Variants in NRG1 observed in about 807,000 individuals in gnomAD.
NRG1 encodes pro-neuregulin-1, membrane-bound isoform.
Under a neutral mutation model 63.8 loss-of-function variants are expected in NRG1, and 18 were observed. The observed-to-expected ratio is 0.28, with a 90% confidence interval of 0.19 to 0.42. NRG1 has a LOEUF of 0.42. NRG1 is among the 10% of genes least tolerant of loss of function. The pLI, the probability that NRG1 is intolerant of heterozygous loss-of-function variation, is 1.00. For synonymous variants in NRG1, 302 were observed against 301.3 expected (o/e 1.00, Z -0.02); for missense variants, 762 against 814.7 (o/e 0.94, Z 0.79).
intron 1 of NRG1, among the ~76,000 whole-genome samples, chr8:32,490,184 A>T (rs1185557937): frequency 6.6e-6 from 1 of 152,110 alleles, no homozygotes; most frequent in Non-Finnish European, 1.5e-5. Flanking sequence ...GTATGCCTGT[A>T]GTTCTAGCTA....
At chr8:31,807,252 C>G (rs1822376748) in intron 1 of NRG1, among the ~76,000 whole-genome samples, 1 of 152,188 alleles carries the variant, frequency 6.6e-6, no homozygotes, top group Admixed American at 6.5e-5. Flanking sequence ...TGATACACTA[C>G]TTGAGCATGT....
intron 5 of NRG1, chr8:32,721,997 G>A (rs1161103234): frequency 1.3e-6 from 2 of 1,547,446 alleles, no homozygotes; most frequent in Non-Finnish European, 1.7e-6. Flanking sequence ...CAAAGAGCAG[G>A]AAAGTATGCA....
chr8:31,666,589 A>C (rs190010792), intron 1 of NRG1, among the ~76,000 whole-genome samples: 1 of 152,352 alleles, frequency 6.6e-6, no homozygotes, highest in East Asian at 1.9e-4. Flanking sequence ...AGGTGTTTTC[A>C]TTCAATTACT....
chr8:32,764,986 C>T (rs1033039353), exon 12 of NRG1: 4 of 151,380 alleles, frequency 2.6e-5, no homozygotes, highest in Non-Finnish European at 4.4e-5. Flanking sequence ...CAAGAAACTG[C>T]ATTAAGTAAT....
intron 1 of NRG1, among the ~76,000 whole-genome samples, chr8:31,811,517 G>GAT (rs1822887523): frequency 6.6e-6 from 1 of 152,136 alleles, no homozygotes; most frequent in Non-Finnish European, 1.5e-5. Context: ...GGGAAAGACA[G>GAT]ATATATATGA....
chr8:32,755,282 C>T (rs1036339031), intron 8 of NRG1, among the ~76,000 whole-genome samples: 15 of 152,192 alleles, frequency 9.9e-5, no homozygotes, highest in African/African-American at 3.6e-4. Flanking sequence ...CATTTCAAGC[C>T]TAATATGTTA....
chr8:32,079,276 A>G (rs1004346845), intron 1 of NRG1, among the ~76,000 whole-genome samples: 4 of 152,008 alleles, frequency 2.6e-5, no homozygotes, highest in African/African-American at 7.3e-5. Flanking sequence ...TTTTTTCATC[A>G]TAGTTTGTTT....
chr8:32,294,507 G>T (rs532916491), intron 1 of NRG1, among the ~76,000 whole-genome samples: 2 of 152,278 alleles, frequency 1.3e-5, no homozygotes, highest in African/African-American at 4.8e-5. Flanking sequence ...TAAACGTCTA[G>T]ATTCCAGCCC....
intron 1 of NRG1, among the ~76,000 whole-genome samples, chr8:32,321,810 G>A (rs1801422354): frequency 6.6e-6 from 1 of 151,192 alleles, no homozygotes; most frequent in East Asian, 2.0e-4. Context: ...TCTTGATGGA[G>A]ATATTGAGTT....
intron 1 of NRG1, among the ~76,000 whole-genome samples, chr8:31,776,316 C>A (rs964064220): frequency 6.6e-6 from 1 of 152,176 alleles, no homozygotes; most frequent in Non-Finnish European, 1.5e-5. Flanking sequence ...TTGTCTGAAG[C>A]CTGAGATGGC....
Position 31,640,424 on chromosome 8 carries a change from CG to C in NRG1, c.37+995del. The C allele has an allele frequency of 6.7e-7, 1 of 1,501,858 alleles. No individual in the cohort carries two copies. The highest frequency in any genetic ancestry group is 8.9e-7 in the Non-Finnish European group (1 of 1,124,666). The allele number at this position is 1,501,858 out of a possible 1,614,324, so 93.0% of individuals were successfully genotyped here. ...ACCGTGCCCTCTTGGCCCACCGCCCCGGTGCCCAGCGCCGGCGAGCCCGGGG... is the reference window on the plus strand; with the variant it reads ...ACCGTGCCCTCTTGGCCCACCGCCCCGTGCCCAGCGCCGGCGAGCCCGGGG... On this transcript the variant is annotated intron_variant, in intron 1 of 10. Coordinates refer to the NRG1 transcript ENST00000519301. This position sits in a 1 kb window ranked among gnomAD's most constrained non-coding sequence, Gnocchi z 6.3.
chr8:32,313,923 TAAATA>T (rs1563303786), intron 1 of NRG1, among the ~76,000 whole-genome samples: 1 of 152,176 alleles, frequency 6.6e-6, no homozygotes, highest in Non-Finnish European at 1.5e-5. Flanking sequence ...TTTTGTATTT[TAAATA>T]AAATACAAAT....
chr8:32,766,312 A>G (rs999230485), exon 12 of NRG1: 3 of 152,116 alleles, frequency 2.0e-5, no homozygotes, highest in Admixed American at 6.5e-5. Context: ...GTCACTGTTC[A>G]CATGCCACTT....
chr8:32,662,143 A>G (rs529198687), intron 5 of NRG1, among the ~76,000 whole-genome samples: 1 of 152,348 alleles, frequency 6.6e-6, no homozygotes, highest in African/African-American at 2.4e-5. Flanking sequence ...TCTCTTATGT[A>G]TCAATAAGAA....
At chr8:31,859,884 C>T (rs577808093) in intron 1 of NRG1, among the ~76,000 whole-genome samples, 1 of 152,294 alleles carries the variant, frequency 6.6e-6, no homozygotes, top group South Asian at 2.1e-4. Flanking sequence ...TTGACCATTT[C>T]CCATGGTGGG....
At chr8:32,738,626 A>C (rs1172741011) in intron 6 of NRG1, among the ~76,000 whole-genome samples, 2 of 152,206 alleles carry the variant, frequency 1.3e-5, no homozygotes, top group African/African-American at 4.8e-5. Context: ...TTAACATACA[A>C]TGTTGATAAT....
intron 1 of NRG1, among the ~76,000 whole-genome samples, chr8:31,842,713 A>G (rs1203327453): frequency 6.6e-6 from 1 of 152,202 alleles, no homozygotes; most frequent in Non-Finnish European, 1.5e-5. Flanking sequence ...ATCTAACTCA[A>G]TATCTAATGT....
intron 5 of NRG1, among the ~76,000 whole-genome samples, chr8:32,669,624 G>C (rs1805109336): frequency 6.6e-6 from 1 of 152,160 alleles, no homozygotes; most frequent in South Asian, 2.1e-4. Flanking sequence ...TAAGTTAATA[G>C]AGTGATTTCT....
intron 1 of NRG1, among the ~76,000 whole-genome samples, chr8:32,054,863 CTTTTTTTTTTTTTTTTTTTTTTTT>C (rs543522972): frequency 4.7e-4 from 30 of 63,994 alleles, no homozygotes; most frequent in African/African-American, 1.8e-3. Context: ...TTCTTTCTTT[CTTTTTTTTTTTTTTTTTTTTTTTT>C]TTTTTTTTTT....
Sources: gnomAD v4.1 joint callset for allele counts (sites outside exome capture counted in the v4.1 genomes callset) on GRCh38, gnomAD v4.1.1 for gene constraint, Gnocchi (gnomAD v3.1) non-coding constraint, MANE v1.5 for transcripts, NCBI Gene and HGNC (gene_info 2026-07-23, HGNC 2026-07-21) for gene names.